ARHGAP44: variants seen among roughly 807,000 people sequenced by gnomAD.
ARHGAP44 encodes the protein Rho GTPase activating protein 44.
In ARHGAP44, 43 loss-of-function variants were observed where a neutral mutation model predicts 106.8. That is an observed-to-expected ratio of 0.40 (90% CI 0.32 to 0.52). The LOEUF (loss-of-function observed/expected upper bound fraction) is 0.52. Among genes scored for constraint, ARHGAP44 ranks in the 20% least tolerant of loss-of-function variants. The pLI is 0.48. For missense variants in ARHGAP44, 866 were observed against 1,050.5 expected (o/e 0.82, Z 2.43); for synonymous variants, 439 against 410.3 (o/e 1.07, Z -0.85).
intron 6 of ARHGAP44, among the ~76,000 whole-genome samples, chr17:12,920,172 G>A (rs1308019787): frequency 1.3e-5 from 2 of 152,024 alleles, no homozygotes; most frequent in East Asian, 1.9e-4. Flanking sequence ...TCAAGAGATC[G>A]AGACCATCCT....
At chr17:12,962,542 A>G (rs929687041) in intron 16 of ARHGAP44, among the ~76,000 whole-genome samples, 1 of 152,196 alleles carries the variant, frequency 6.6e-6, no homozygotes, top group African/African-American at 2.4e-5. Context: ...GGTGGGCTCT[A>G]CATGACATCA....
chr17:12,929,961 G>A (rs998188808), intron 7 of ARHGAP44, among the ~76,000 whole-genome samples: 1 of 152,128 alleles, frequency 6.6e-6, no homozygotes, highest in East Asian at 1.9e-4. Flanking sequence ...TTGCATTCAG[G>A]TGACATTCAG....
chr17:12,839,849 C>T (rs1022708663), intron 1 of ARHGAP44, among the ~76,000 whole-genome samples: 1 of 152,104 alleles, frequency 6.6e-6, no homozygotes, highest in Non-Finnish European at 1.5e-5. Context: ...AGGAATAAAA[C>T]AAGTCAAGCA....
intron 1 of ARHGAP44, among the ~76,000 whole-genome samples, chr17:12,811,951 A>G (rs962500504): frequency 2.0e-5 from 3 of 152,178 alleles, no homozygotes; most frequent in Admixed American, 6.6e-5. Context: ...TGTGATAACA[A>G]TGCTGTTTCC....
In ARHGAP44 at chr17:12,839,488, G is replaced by A. The variant is rs577148165; in HGVS notation, c.53+49597G>A. ...TTCATTCTTAAGAAAACACTGTACC[G>A]TAGTGTAGTACATTCTTTAAACTGA... On this transcript the variant is annotated intron_variant, in intron 1 of 20. Transcript: ENST00000379672. Among the ~76,000 whole-genome samples, 240 of 152,266 alleles carry A rather than the reference G, an allele frequency of 1.6e-3. 2 individuals carry two copies. Among genetic ancestry groups the A allele is most frequent in the South Asian group, 6.8e-3 (33 of 4,826 alleles).
rs142880341 is a variant in ARHGAP44 at position 12,990,363 on chromosome 17, T to C, written c.*192T>C. On this transcript the variant is annotated 3_prime_UTR_variant, in exon 21 of 21. Transcript: ENST00000379672. ...TGATGCTGGTGGTGCAGGTTTTGTT[T>C]GTTCCTTTCGGGTGGTGACTTCGGC... 1,978 of 724,136 alleles carry C rather than the reference T, an allele frequency of 2.7e-3. 24 individuals are homozygous for C. The African/African-American group carries it at 0.03, about 11-fold the overall frequency. The allele number at this position is 724,136 out of a possible 1,614,324, so 44.9% of individuals were successfully genotyped here.
chr17:12,828,104 G>T (rs973376511), intron 1 of ARHGAP44, among the ~76,000 whole-genome samples: 4 of 151,264 alleles, frequency 2.6e-5, no homozygotes, highest in African/African-American at 9.7e-5. Flanking sequence ...GAATCATATG[G>T]CAATGCTGAT....
In ARHGAP44 at chr17:12,974,161, C is replaced by T. The variant is rs1457597412; in HGVS notation, c.1614C>T (p.Cys538=). The change falls in exon 18 of 21, where the codon TGC becomes TGT. Residue 538 remains cysteine (C), a synonymous_variant. Coordinates refer to ENST00000379672, the MANE Select transcript of ARHGAP44 (RefSeq NM_014859.6). The part of the protein sequence containing the change: ...RGSSAGRKVS[C]APPSMQPPAP... ...CCTCGGCCGGTCGGAAAGTGTCCTGCGCCCCGCCCTCCATGCAGCCTCCCG... is the reference window on the plus strand; with the variant it reads ...CCTCGGCCGGTCGGAAAGTGTCCTGTGCCCCGCCCTCCATGCAGCCTCCCG... 1.2e-5 allele frequency: 19 copies of T among 1,555,200 alleles called. No homozygotes were observed. The highest frequency in any genetic ancestry group is 5.9e-5 in the South Asian group (5 of 84,368).
At chr17:12,917,602 C>CT (rs993817704) in intron 5 of ARHGAP44, among the ~76,000 whole-genome samples, 1 of 152,142 alleles carries the variant, frequency 6.6e-6, no homozygotes, top group Non-Finnish European at 1.5e-5. Flanking sequence ...ACATTGGTCT[C>CT]TTTTGGAAAC....
intron 1 of ARHGAP44, among the ~76,000 whole-genome samples, chr17:12,827,308 T>C (rs958063035): frequency 2.0e-5 from 3 of 152,224 alleles, no homozygotes; most frequent in Admixed American, 2.0e-4. Context: ...CACATCCTTC[T>C]GTGATGCCAT....
At chr17:12,960,461 G>A (rs577234416) in intron 16 of ARHGAP44, among the ~76,000 whole-genome samples, 2 of 152,136 alleles carry the variant, frequency 1.3e-5, no homozygotes, top group South Asian at 4.1e-4. Flanking sequence ...AGCTACTCAG[G>A]AGGCTGAGGC....
Position 12,974,118 on chromosome 17 carries a change from G to T in ARHGAP44, c.1571G>T (p.Trp524Leu). ...SMGVRVMDTN[W>L]VARRGSSAGR... ...GGTGTGAGGGTCATGGACACAAACT[G>T]GGTGGCTCGAAGAGGCTCCTCGGCC... The change falls in exon 18 of 21, where the codon TGG becomes TTG. Residue 524 changes from tryptophan (W) to leucine (L), a missense_variant. Coordinates refer to ENST00000379672, the MANE Select transcript of ARHGAP44 (RefSeq NM_014859.6). 1 of 1,571,616 alleles carries T rather than the reference G, an allele frequency of 6.4e-7. No homozygotes were observed. The highest frequency in any genetic ancestry group is 1.9e-5 in the Admixed American group (1 of 53,792).
chr17:12,859,690 T>TAC (rs1355121436), intron 1 of ARHGAP44, among the ~76,000 whole-genome samples: 2 of 152,194 alleles, frequency 1.3e-5, no homozygotes, highest in Admixed American at 6.5e-5. Flanking sequence ...GCAGGTATAA[T>TAC]ACACACAGAT....
intron 1 of ARHGAP44, among the ~76,000 whole-genome samples, chr17:12,809,036 A>G (rs1351220735): frequency 6.6e-6 from 1 of 152,244 alleles, no homozygotes; most frequent in Non-Finnish European, 1.5e-5. Context: ...AAAGTTTCAC[A>G]GATCTCTAGG....
chr17:12,838,752 A>G (rs965096974), intron 1 of ARHGAP44, among the ~76,000 whole-genome samples: 2 of 152,096 alleles, frequency 1.3e-5, no homozygotes, highest in Non-Finnish European at 2.9e-5. Flanking sequence ...GCTTACAGCA[A>G]ACTCCGCCTC....
chr17:12,818,335 G>GAAAAAAAAAAAA (rs376432420), intron 1 of ARHGAP44, among the ~76,000 whole-genome samples: 2 of 91,690 alleles, frequency 2.2e-5, no homozygotes, highest in Non-Finnish European at 5.2e-5. Flanking sequence ...ATCTGGAAAA[G>GAAAAAAAAAAAA]AAAAAAAAAA....
intron 19 of ARHGAP44, 72 bp downstream of exon 19, chr17:12,980,305 C>G: frequency 6.8e-7 from 1 of 1,472,456 alleles, no homozygotes; most frequent in South Asian, 1.3e-5. Flanking sequence ...GGCTCGTTTT[C>G]CTCTATGAAC....
chr17:12,970,450 C>T (rs1273992588), intron 16 of ARHGAP44, among the ~76,000 whole-genome samples: 1 of 151,956 alleles, frequency 6.6e-6, no homozygotes, highest in Non-Finnish European at 1.5e-5. Context: ...AGGTTCCACT[C>T]CCCAGATTCT....
intron 1 of ARHGAP44, among the ~76,000 whole-genome samples, chr17:12,868,768 C>A (rs553851777): frequency 4.9e-4 from 74 of 151,256 alleles, no homozygotes; most frequent in African/African-American, 1.7e-3. Context: ...AGCAGTTCTC[C>A]TGCCTCAGCC....
Sources: gnomAD v4.1 joint callset for allele counts (sites outside exome capture counted in the v4.1 genomes callset) on GRCh38, gnomAD v4.1.1 for gene constraint, MANE v1.5 for transcripts, NCBI Gene and HGNC (gene_info 2026-07-23, HGNC 2026-07-21) for gene names.